Variants in COL18A1 observed in about 807,000 individuals in gnomAD.
The protein encoded by COL18A1 is collagen alpha-1(XVIII) chain.
COL18A1 carries 133 observed loss-of-function variants against 168.0 expected under a neutral mutation model. The ratio of observed to expected loss-of-function variants is 0.79; its 90% CI spans 0.69 to 0.91. The LOEUF is 0.91. Among genes scored for constraint, COL18A1 ranks in the 40% least tolerant of loss-of-function variants. The pLI, the probability that COL18A1 is intolerant of heterozygous loss-of-function variation, is 0.00. For synonymous variants in COL18A1, 949 were observed against 809.0 expected, an observed-to-expected ratio of 1.17 and a Z score of -2.94; for missense variants, 2,126 against 1,925.4, an observed-to-expected ratio of 1.10 and a Z score of -1.95.
At chr21:45,459,570 G>A (rs2145865552) in intron 2 of COL18A1, among the ~76,000 whole-genome samples, 1 of 152,370 alleles carries the variant, frequency 6.6e-6, no homozygotes, top group African/African-American at 2.4e-5. Flanking sequence ...AGAGTGTGGG[G>A]GACAGTGCAG....
rs750014301 is a variant in COL18A1 at position 45,494,540 on chromosome 21, C to A, written c.2353-5C>A. 3 of 1,613,378 alleles carry A rather than the reference C, an allele frequency of 1.9e-6. No individual in the cohort carries two copies. In the South Asian group the frequency reaches 3.3e-5, roughly 18 times the overall value. On this transcript the variant is annotated splice_region_variant and splice_polypyrimidine_tract_variant and intron_variant, in intron 26 of 41. Transcript: ENST00000651438. ...CTAACCCTGTCTTCTTGTTTTTTTGCTCAGGGAGAGCCGGGCTTCCGAGGA... is the reference window on the plus strand; with the variant it reads ...CTAACCCTGTCTTCTTGTTTTTTTGATCAGGGAGAGCCGGGCTTCCGAGGA...
intron 4 of COL18A1, among the ~76,000 whole-genome samples, chr21:45,474,245 A>G (rs962274187): frequency 1.6e-5 from 2 of 128,402 alleles, no homozygotes; most frequent in African/African-American, 7.4e-5. Context: ...GAGGCAGCTC[A>G]GCAAAGTGTG....
chr21:45,485,600 C>T (rs2036081824), intron 15 of COL18A1, among the ~76,000 whole-genome samples: 1 of 152,156 alleles, frequency 6.6e-6, no homozygotes, highest in Non-Finnish European at 1.5e-5. Context: ...TGAAGTTAGC[C>T]CTCAAGTTAA....
chr21:45,459,333 G>A (rs1011357644), intron 2 of COL18A1, among the ~76,000 whole-genome samples: 4 of 144,072 alleles, frequency 2.8e-5, no homozygotes, highest in African/African-American at 1.2e-4. Flanking sequence ...GGCAGACTTC[G>A]AGGCCCCGAA....
intron 2 of COL18A1, among the ~76,000 whole-genome samples, chr21:45,447,204 T>TATATATC (rs917886873): frequency 6.6e-6 from 1 of 150,804 alleles, no homozygotes; most frequent in Admixed American, 6.6e-5. Flanking sequence ...CTTATATATA[T>TATATATC]ATATATCATA....
rs142935306 is a variant in COL18A1, at chr21:45,501,352, G to A, written c.2684-2659G>A. ...GATCTGAACATCAGGTCTGACAGGC[G>A]TCACCTGCGAAGGTCTCCAGGCCAC... On this transcript the variant is annotated intron_variant, in intron 32 of 41. Coordinates refer to ENST00000651438, the MANE Select transcript of COL18A1 (RefSeq NM_001379500.1). Among the ~76,000 whole-genome samples the A allele has an allele frequency of 5.5e-4, 84 of 152,194 alleles. 1 individual carries two copies. In the East Asian group the frequency reaches 0.013, roughly 23 times the overall value.
At chr21:45,501,617 G>A (rs1409996881) in intron 32 of COL18A1, among the ~76,000 whole-genome samples, 1 of 152,134 alleles carries the variant, frequency 6.6e-6, no homozygotes, top group Non-Finnish European at 1.5e-5. Context: ...CAGGGGCCTT[G>A]CCCTGCACAA....
intron 2 of COL18A1, among the ~76,000 whole-genome samples, chr21:45,465,800 A>G (rs1330066939): frequency 3.9e-5 from 6 of 152,132 alleles, no homozygotes; most frequent in African/African-American, 1.4e-4. Flanking sequence ...CCTGATGCTG[A>G]GCACAGGCGG....
chr21:45,501,950 G>GCA (rs1342493725), intron 32 of COL18A1, among the ~76,000 whole-genome samples: 3 of 85,454 alleles, frequency 3.5e-5, no homozygotes, highest in Admixed American at 1.3e-4. Context: ...AGGACCCTCA[G>GCA]GGGCCTCCGC....
intron 2 of COL18A1, among the ~76,000 whole-genome samples, chr21:45,451,216 G>A (rs530443691): frequency 2.6e-5 from 4 of 152,342 alleles, no homozygotes; most frequent in South Asian, 2.1e-4. Flanking sequence ...GCCGGCCAGC[G>A]GGGGCCATGG....
At chr21:45,458,647 G>A (rs1017725550) in intron 2 of COL18A1, among the ~76,000 whole-genome samples, 2 of 152,182 alleles carry the variant, frequency 1.3e-5, no homozygotes, top group African/African-American at 4.8e-5. Flanking sequence ...GTACTGACTG[G>A]AGGGACCCGG....
In COL18A1 at chr21:45,504,415, G is replaced by A; in HGVS notation, c.2728-1G>A. ...CGTGTAACAAGTGTTTCCGTCCACA[G>A]GGGGAGAAGGGAGACCGAGGTGATG... On this transcript the variant is annotated splice_acceptor_variant, in intron 33 of 41. Coordinates refer to ENST00000651438, the MANE Select transcript of COL18A1 (RefSeq NM_001379500.1). LOFTEE classifies it high-confidence loss of function. The A allele has an allele frequency of 6.2e-7, 1 of 1,611,252 alleles. No individual in the cohort carries two copies. The highest frequency in any genetic ancestry group is 8.5e-7 in the Non-Finnish European group (1 of 1,179,098).
chr21:45,497,922 G>A (rs1452848286), intron 32 of COL18A1: 5 of 607,710 alleles, frequency 8.2e-6, no homozygotes, highest in South Asian at 5.9e-5. Context: ...GCCCTTCCAT[G>A]CTAGACCCAG....
At chr21:45,510,499 C>T (rs9306130) in intron 40 of COL18A1, among the ~76,000 whole-genome samples, 87,661 of 151,778 alleles carry the variant, frequency 0.58, 25,546 homozygotes, top group African/African-American at 0.66. Context: ...GAGGCCCCCC[C>T]GTGGCCCCCT....
At position 45,440,141 on chromosome 21, in the gene COL18A1, G is replaced by A. The variant is rs564455567; in HGVS notation, c.107-28101G>A. On this transcript the variant is annotated intron_variant, in intron 2 of 41. Transcript: ENST00000651438. ...TCGGGGATGTAAGGGCAAGGGCTGCGGGGTCGGAACGTCGGCTGTGGCTGT... is the reference window on the plus strand; with the variant it reads ...TCGGGGATGTAAGGGCAAGGGCTGCAGGGTCGGAACGTCGGCTGTGGCTGT... Among the ~76,000 whole-genome samples, 3 of 152,390 alleles carry A rather than the reference G, an allele frequency of 2.0e-5. No homozygotes were observed. In the South Asian group the frequency reaches 6.2e-4, roughly 32 times the overall value.
chr21:45,511,060 C>T, intron 40 of COL18A1, 51 bp from the exon 41 acceptor site: 7 of 754,704 alleles, frequency 9.3e-6, no homozygotes, highest in Non-Finnish European at 1.5e-5. Flanking sequence ...ACACCCACAC[C>T]CATCCACACC....
At chr21:45,490,721 G>A (rs1602537559) in intron 20 of COL18A1, 115 bp from the exon 21 acceptor site, 1 of 1,157,990 alleles carries the variant, frequency 8.6e-7, no homozygotes, top group East Asian at 2.6e-5. Context: ...TCCCTCCCAG[G>A]CCCCAGCCGG....
intron 15 of COL18A1, among the ~76,000 whole-genome samples, chr21:45,484,500 A>G (rs1455621158): frequency 8.3e-6 from 1 of 121,010 alleles, no homozygotes; most frequent in Admixed American, 7.7e-5. Flanking sequence ...ACACACACAC[A>G]TGCACCTCTC....
Position 45,463,954 on chromosome 21 carries a change from A to G in COL18A1, c.107-4288A>G, listed in dbSNP as rs1030307359. Among the ~76,000 whole-genome samples, 3 of 152,134 alleles carry G rather than the reference A, an allele frequency of 2.0e-5. No individual in the cohort carries two copies. Among genetic ancestry groups the G allele is most frequent in the African/African-American group, 7.2e-5 (3 of 41,420 alleles). On this transcript the variant is annotated intron_variant, in intron 2 of 41. Coordinates refer to ENST00000651438, the MANE Select transcript of COL18A1 (RefSeq NM_001379500.1). The surrounding 1 kb of genome is among the most constrained non-coding windows in gnomAD (Gnocchi z 4.0). Reference sequence around the variant, plus strand: ...CTTGAGGCATCATCATTGTTATATCATGTGCAGGTGTCTAGCCTGGATGCC... The same window carrying G: ...CTTGAGGCATCATCATTGTTATATCGTGTGCAGGTGTCTAGCCTGGATGCC...
Sources: gnomAD v4.1 joint callset for allele counts (sites outside exome capture counted in the v4.1 genomes callset) on GRCh38, gnomAD v4.1.1 for gene constraint, Gnocchi (gnomAD v3.1) non-coding constraint, MANE v1.5 for transcripts, NCBI Gene and HGNC (gene_info 2026-07-23, HGNC 2026-07-21) for gene names.